IQGAP1: variants seen among roughly 807,000 people sequenced by gnomAD.
IQGAP1 encodes IQ motif containing GTPase activating protein 1, also known as ras GTPase-activating-like protein IQGAP1.
A neutral mutation model predicts 215.6 loss-of-function variants in IQGAP1; 66 were observed. That is an observed-to-expected ratio of 0.31 (90% CI 0.25 to 0.38). The LOEUF (loss-of-function observed/expected upper bound fraction) is 0.38, where lower values mean the gene tolerates loss of function less well. IQGAP1 is among the 10% of genes least tolerant of loss of function. The probability of loss-of-function intolerance (pLI) is 1.00; values close to 1 mark genes in which losing one functional copy is unlikely to be tolerated. For missense variants in IQGAP1, 1,712 were observed against 1,997.1 expected (o/e 0.86, Z 2.72); for synonymous variants, 772 against 728.7 (o/e 1.06, Z -0.96).
chr15:90,438,833 T>C (rs1965408153), intron 5 of IQGAP1, among the ~76,000 whole-genome samples: 1 of 152,014 alleles, frequency 6.6e-6, no homozygotes, highest in South Asian at 2.1e-4. Flanking sequence ...CAAGCAATTC[T>C]CCTGCCTCAG....
intron 33 of IQGAP1, 34 bp from the exon 34 acceptor site, chr15:90,491,299 A>C: frequency 6.3e-7 from 1 of 1,577,664 alleles, no homozygotes; most frequent in Middle Eastern, 1.7e-4. Context: ...TTAGTGTGGT[A>C]AACTTGCTAA....
At position 90,441,702 on chromosome 15, in the gene IQGAP1, A is replaced by G. The variant is rs57169094; in HGVS notation, c.828+18A>G. On this transcript the variant is annotated intron_variant, in intron 8 of 37. Transcript: ENST00000268182. ...AAAACAGGGTAAAAATGCAACATCT[A>G]TTCTTTCTAATTAATTTATATTATT... 6,387 of 1,514,518 alleles carry G rather than the reference A, an allele frequency of 4.2e-3. 195 individuals are homozygous for G. The African/African-American group carries it at 0.072, about 17-fold the overall frequency. 93.8% of individuals were successfully genotyped at this position (1,514,518 alleles called of 1,614,324 possible). A position where few individuals can be genotyped will look rare whatever the true frequency, so the allele number is the denominator to read the frequency against.
intron 18 of IQGAP1, among the ~76,000 whole-genome samples, chr15:90,471,238 G>A (rs546387709): frequency 3.9e-4 from 60 of 152,104 alleles, no homozygotes; most frequent in Non-Finnish European, 8.2e-4. Context: ...GTGGCTTCAT[G>A]GTATCATCTG....
chr15:90,465,876 G>T, intron 15 of IQGAP1, 125 bp from the exon 16 acceptor site: 2 of 749,318 alleles, frequency 2.7e-6, no homozygotes, highest in Non-Finnish European at 2.3e-6. Context: ...ACTAACCCAC[G>T]TGTCTCATAT....
intron 6 of IQGAP1, among the ~76,000 whole-genome samples, chr15:90,439,701 G>A (rs917752779): frequency 6.6e-6 from 1 of 152,012 alleles, no homozygotes; most frequent in Non-Finnish European, 1.5e-5. Flanking sequence ...CTAAATGTTC[G>A]GGTATGTTGA....
At chr15:90,439,912 C>G (rs1396625553) in intron 6 of IQGAP1, among the ~76,000 whole-genome samples, 1 of 152,094 alleles carries the variant, frequency 6.6e-6, no homozygotes, top group Non-Finnish European at 1.5e-5. Flanking sequence ...AGAAAAAGGG[C>G]AGTGGTAATA....
intron 15 of IQGAP1, among the ~76,000 whole-genome samples, chr15:90,460,350 A>G (rs1439905313): frequency 6.6e-6 from 1 of 151,700 alleles, no homozygotes; most frequent in Non-Finnish European, 1.5e-5. Context: ...TCAAGTTGTC[A>G]GAGCTCTCCA....
At position 90,498,140 on chromosome 15, in the gene IQGAP1, C is replaced by A. The variant is rs371604397; in HGVS notation, c.4860+800C>A. Among the ~76,000 whole-genome samples the A allele has an allele frequency of 1.6e-4, 24 of 151,786 alleles. 1 individual carries two copies. In the South Asian group the frequency reaches 2.9e-3, roughly 18 times the overall value. On this transcript the variant is annotated intron_variant, in intron 37 of 37. Transcript: ENST00000268182. ...CAGCCAAGCCATAATAGGTGGTTTC[C>A]CCTTCGCTTCTGTAGCCCTTGCAGA...
At chr15:90,468,194 G>A (rs557026910) in intron 18 of IQGAP1, among the ~76,000 whole-genome samples, 14 of 151,986 alleles carry the variant, frequency 9.2e-5, no homozygotes, top group African/African-American at 2.7e-4. Flanking sequence ...TCAGCCTCCC[G>A]AATACCTGGG....
chr15:90,497,817 G>C (rs1375110449), intron 37 of IQGAP1, among the ~76,000 whole-genome samples: 4 of 152,158 alleles, frequency 2.6e-5, no homozygotes, highest in Non-Finnish European at 4.4e-5. Context: ...GTAGCATAAA[G>C]ATCCCTAAGT....
At chr15:90,449,831 G>T (rs965967428) in intron 11 of IQGAP1, among the ~76,000 whole-genome samples, 188 bp downstream of exon 11, 1 of 152,154 alleles carries the variant, frequency 6.6e-6, no homozygotes, top group African/African-American at 2.4e-5. Flanking sequence ...CTGTGTAATA[G>T]TTGTACATAT....
intron 18 of IQGAP1, among the ~76,000 whole-genome samples, chr15:90,468,423 G>C (rs1368645342): frequency 6.6e-6 from 1 of 152,162 alleles, no homozygotes. Context: ...TAAGGAATGG[G>C]GATATAGTCA....
At chr15:90,468,974 G>T (rs950870372) in intron 18 of IQGAP1, among the ~76,000 whole-genome samples, 4 of 152,164 alleles carry the variant, frequency 2.6e-5, no homozygotes, top group Non-Finnish European at 4.4e-5. Context: ...TATTCATTCA[G>T]AATTTAATGT....
chr15:90,454,759 T>C (rs1347904499), intron 14 of IQGAP1, among the ~76,000 whole-genome samples: 1 of 152,194 alleles, frequency 6.6e-6, no homozygotes, highest in Non-Finnish European at 1.5e-5. Flanking sequence ...AACTAAATTT[T>C]GGGGGAGGTG....
intron 1 of IQGAP1, 68 bp downstream of exon 1, chr15:90,388,464 TG>T: frequency 9.9e-6 from 5 of 505,714 alleles, no homozygotes; most frequent in South Asian, 2.1e-5. Context: ...GCGATTTTCC[TG>T]GGGGCTCGGC....
intron 2 of IQGAP1, among the ~76,000 whole-genome samples, chr15:90,404,102 TAA>T (rs1032766788): frequency 2.0e-5 from 3 of 152,248 alleles, no homozygotes; most frequent in African/African-American, 7.2e-5. Context: ...TTTGCTGTTA[TAA>T]AAAGTCACTT....
At chr15:90,389,032 T>C (rs781740811) in intron 1 of IQGAP1, among the ~76,000 whole-genome samples, 5 of 152,230 alleles carry the variant, frequency 3.3e-5, no homozygotes, top group Non-Finnish European at 5.9e-5. Flanking sequence ...CAGGATTGGC[T>C]AAAGGAGGAC....
At chr15:90,476,906 T>G in intron 24 of IQGAP1, 88 bp downstream of exon 24, 8 of 1,445,746 alleles carry the variant, frequency 5.5e-6, no homozygotes, top group Non-Finnish European at 7.6e-6. Flanking sequence ...TCTGGAAGTA[T>G]TTTTGACTTC....
chr15:90,426,348 G>A lies in IQGAP1; in HGVS notation c.312+82G>A, dbSNP rs540811210. 9.0e-4 allele frequency: 1,319 copies of A among 1,468,610 alleles called. 8 individuals carry two copies. The highest frequency in any genetic ancestry group is 7.4e-3 in the Middle Eastern group (31 of 4,176). 91.0% of individuals were successfully genotyped at this position (1,468,610 alleles called of 1,614,324 possible). ...TTTTATTTTGTGTAAGAGTTATTGA[G>A]AAGTCTGTGTAAGGTGTGTTTGTTG... On this transcript the variant is annotated intron_variant, in intron 3 of 37. Coordinates refer to ENST00000268182, the MANE Select transcript of IQGAP1 (RefSeq NM_003870.4).
Sources: gnomAD v4.1 joint callset for allele counts (sites outside exome capture counted in the v4.1 genomes callset) on GRCh38, gnomAD v4.1.1 for gene constraint, MANE v1.5 for transcripts, NCBI Gene and HGNC (gene_info 2026-07-23, HGNC 2026-07-21) for gene names.